The following TBC1D32 variants were observed in gnomAD, a reference collection of about 807,000 sequenced individuals.
The protein encoded by TBC1D32 is TBC1 domain family member 32, also known as protein broad-minded.
TBC1D32 carries 151 observed loss-of-function variants against 170.3 expected under a neutral mutation model. The ratio of observed to expected loss-of-function variants is 0.89; its 90% confidence interval spans 0.78 to 1.01. TBC1D32 has a LOEUF of 1.01. TBC1D32 is among the 50% of genes least tolerant of loss of function. TBC1D32 has a pLI of 0.00. For missense variants in TBC1D32, 1,464 were observed against 1,457.1 expected, an observed-to-expected ratio of 1.00 and a Z score of -0.08; for synonymous variants, 498 against 488.0, an observed-to-expected ratio of 1.02 and a Z score of -0.27.
At chr6:121,202,563 C>T (rs1791726029) in intron 22 of TBC1D32, among the ~76,000 whole-genome samples, 1 of 151,132 alleles carries the variant, frequency 6.6e-6, no homozygotes, top group South Asian at 2.1e-4. Context: ...CAACTGAGGA[C>T]AGTTTGTATA....
At position 121,248,746 on chromosome 6, in the gene TBC1D32, T is replaced by C. The variant is rs187860387; in HGVS notation, c.2019-6407A>G. Among the ~76,000 whole-genome samples the C allele has an allele frequency of 2.6e-5, 4 of 151,334 alleles. No individual in the cohort carries two copies. In the East Asian group the frequency reaches 5.8e-4, roughly 22 times the overall value. On this transcript the variant is annotated intron_variant, in intron 17 of 31. Transcript: ENST00000398212. ...GTGGAAATATACAACCATCCTAGATTAAATTAAGAAGAAACAGAAACCCTG... is the reference window on the plus strand; with the variant it reads ...GTGGAAATATACAACCATCCTAGATCAAATTAAGAAGAAACAGAAACCCTG...
At chr6:121,094,027 T>A (rs1015788879) in intron 30 of TBC1D32, among the ~76,000 whole-genome samples, 1 of 152,022 alleles carries the variant, frequency 6.6e-6, no homozygotes, top group Admixed American at 6.6e-5. Flanking sequence ...CATATGACCC[T>A]CTTTGCTTGG....
chr6:121,112,810 C>T (rs1389259926), intron 28 of TBC1D32, 151 bp from the exon 29 acceptor site: 4 of 766,846 alleles, frequency 5.2e-6, no homozygotes, highest in Non-Finnish European at 7.6e-6. Flanking sequence ...TTAGACATGT[C>T]TGAAAATACA....
At chr6:121,281,479 T>C (rs1583548075) in intron 14 of TBC1D32, 65 bp downstream of exon 14, 1 of 1,274,680 alleles carries the variant, frequency 7.8e-7, no homozygotes, top group Non-Finnish European at 1.1e-6. Context: ...AGAAATAAAG[T>C]CCCACTGAGT....
At chr6:121,215,934 G>C (rs1793767038) in intron 21 of TBC1D32, among the ~76,000 whole-genome samples, 1 of 152,212 alleles carries the variant, frequency 6.6e-6, no homozygotes. Flanking sequence ...ATTGTGGAAA[G>C]CATTGTAGCA....
rs1806903763 is a variant in TBC1D32 at position 121,303,858 on chromosome 6, A to G, written c.936-97T>C. Reference sequence around the variant, plus strand: ...ATAAAGTAGCATATAATCTTCAGAAACATTTTTTCTATTTCAGTAAATGAC... The same window carrying G: ...ATAAAGTAGCATATAATCTTCAGAAGCATTTTTTCTATTTCAGTAAATGAC... On this transcript the variant is annotated intron_variant, in intron 8 of 31. Coordinates refer to ENST00000398212, the MANE Select transcript of TBC1D32 (RefSeq NM_152730.6). 3 of 854,464 alleles carry G rather than the reference A, an allele frequency of 3.5e-6. No individual in the cohort carries two copies. The East Asian group carries it at 8.9e-5, about 25-fold the overall frequency. 52.9% of individuals were successfully genotyped at this position (854,464 alleles called of 1,614,324 possible).
At chr6:121,202,557 T>G (rs1464867262) in intron 22 of TBC1D32, among the ~76,000 whole-genome samples, 1 of 151,286 alleles carries the variant, frequency 6.6e-6, no homozygotes, top group Non-Finnish European at 1.5e-5. Flanking sequence ...GGTGAGCAAC[T>G]GAGGACAGTT....
intron 25 of TBC1D32, chr6:121,130,020 AC>A: frequency 2.6e-6 from 1 of 388,394 alleles, no homozygotes; most frequent in Non-Finnish European, 5.0e-6. Flanking sequence ...AATCACAAAA[AC>A]ATATCCCTTT....
upstream of TBC1D32, chr6:121,334,505 AC>A (rs775325838): frequency 1.3e-6 from 2 of 1,481,530 alleles, no homozygotes; most frequent in African/African-American, 1.4e-5. Flanking sequence ...GCGCACGCGC[AC>A]CCCCACCCAG....
At chr6:121,313,605 CTA>C (rs777070200) in intron 3 of TBC1D32, among the ~76,000 whole-genome samples, 9 of 152,128 alleles carry the variant, frequency 5.9e-5, no homozygotes, top group Non-Finnish European at 1.2e-4. Context: ...AAAATCCTAG[CTA>C]TCTTTCCCTT....
At chr6:121,157,810 T>C (rs1435422426) in intron 24 of TBC1D32, among the ~76,000 whole-genome samples, 1 of 152,106 alleles carries the variant, frequency 6.6e-6, no homozygotes, top group Non-Finnish European at 1.5e-5. Flanking sequence ...TTCTTTACCT[T>C]AAAAATGCTG....
chr6:121,287,400 C>CA (rs1264903920), intron 12 of TBC1D32, among the ~76,000 whole-genome samples: 1 of 151,896 alleles, frequency 6.6e-6, no homozygotes, highest in African/African-American at 2.4e-5. Context: ...TTAGAAGAGA[C>CA]AAAAAAGGCC....
intron 31 of TBC1D32, among the ~76,000 whole-genome samples, chr6:121,087,833 T>C (rs927126461): frequency 2.0e-5 from 3 of 152,184 alleles, no homozygotes; most frequent in Admixed American, 2.0e-4. Flanking sequence ...CTTGTTTTAC[T>C]TTATCTTCAT....
intron 24 of TBC1D32, among the ~76,000 whole-genome samples, chr6:121,144,297 C>A (rs1246686051): frequency 6.6e-6 from 1 of 152,086 alleles, no homozygotes; most frequent in Non-Finnish European, 1.5e-5. Flanking sequence ...TGAAGGATTT[C>A]GATTAGAAGA....
intron 3 of TBC1D32, among the ~76,000 whole-genome samples, chr6:121,313,168 G>A (rs1446105321): frequency 8.5e-6 from 1 of 118,018 alleles, no homozygotes; most frequent in Non-Finnish European, 1.8e-5. Context: ...GTGTGTGTGT[G>A]TAGAGACCTT....
chr6:121,297,244 GACA>G (rs1230374282), intron 10 of TBC1D32, among the ~76,000 whole-genome samples: 1 of 151,962 alleles, frequency 6.6e-6, no homozygotes, highest in Non-Finnish European at 1.5e-5. Flanking sequence ...TGTGAAAATA[GACA>G]GAAATTTGCT....
At chr6:121,242,409 A>G (rs1412366290) in intron 17 of TBC1D32, 70 bp from the exon 18 acceptor site, 16 of 1,478,444 alleles carry the variant, frequency 1.1e-5, no homozygotes, top group Non-Finnish European at 7.5e-6. Flanking sequence ...AGTATGTCTT[A>G]GCTGAGCTTA....
intron 12 of TBC1D32, among the ~76,000 whole-genome samples, chr6:121,287,146 A>G (rs140230753): frequency 0.033 from 4,977 of 152,262 alleles, 191 homozygotes; most frequent in East Asian, 0.12. Context: ...AAATTCACAC[A>G]TAACAATATT....
chr6:121,286,959 T>G (rs529119031), intron 12 of TBC1D32, among the ~76,000 whole-genome samples: 22 of 152,210 alleles, frequency 1.4e-4, no homozygotes, highest in Admixed American at 4.6e-4. Flanking sequence ...TGCTGAGAGA[T>G]TTTGTCACCA....
Sources: allele counts gnomAD v4.1 joint callset (sites outside exome capture counted in the v4.1 genomes callset), GRCh38; gene constraint gnomAD v4.1.1; transcripts MANE v1.5; gene names NCBI Gene and HGNC (gene_info 2026-07-23, HGNC 2026-07-21).